Variants in SETBP1 observed in about 807,000 individuals in gnomAD.
SETBP1 encodes SET binding protein 1.
In SETBP1, 9 loss-of-function variants were observed where a neutral mutation model predicts 101.0. The ratio of observed to expected loss-of-function variants is 0.09; its 90% CI spans 0.05 to 0.16. The LOEUF is 0.16. Ranked by LOEUF, SETBP1 falls within the 10% of genes least tolerant of loss-of-function variation. SETBP1 has a pLI of 1.00. For missense variants in SETBP1, 1,858 were observed against 2,033.8 expected (o/e 0.91, Z 1.66); for synonymous variants, 818 against 788.5 (o/e 1.04, Z -0.63).
intron 3 of SETBP1, among the ~76,000 whole-genome samples, chr18:44,889,146 A>T (rs1429214501): frequency 6.6e-6 from 1 of 152,090 alleles, no homozygotes; most frequent in East Asian, 1.9e-4. Flanking sequence ...AGCATTTCAA[A>T]ACAGAGATAA....
chr18:44,685,739 G>A (rs2068827034), intron 1 of SETBP1, among the ~76,000 whole-genome samples: 1 of 152,072 alleles, frequency 6.6e-6, no homozygotes, highest in African/African-American at 2.4e-5. Flanking sequence ...CTGGTGCCTG[G>A]GATTATTGTT....
chr18:44,886,062 A>C (rs1018772012), intron 3 of SETBP1, among the ~76,000 whole-genome samples: 2 of 152,076 alleles, frequency 1.3e-5, no homozygotes, highest in African/African-American at 2.4e-5. Flanking sequence ...TGGGAAGGAC[A>C]AAAGTCTCAT....
intron 3 of SETBP1, among the ~76,000 whole-genome samples, chr18:44,906,112 G>A (rs762372507): frequency 1.3e-5 from 2 of 152,168 alleles, no homozygotes; most frequent in African/African-American, 2.4e-5. Flanking sequence ...ATAGCCAGGC[G>A]TTATGTGGAT....
At chr18:44,993,372 T>C (rs1367894848) in intron 4 of SETBP1, among the ~76,000 whole-genome samples, 2 of 152,122 alleles carry the variant, frequency 1.3e-5, no homozygotes, top group South Asian at 4.2e-4. Context: ...AAACTCTGAT[T>C]ATTTTCTTAT....
At chr18:44,695,115 G>T (rs548843965) in intron 1 of SETBP1, among the ~76,000 whole-genome samples, 45 of 152,198 alleles carry the variant, frequency 3.0e-4, no homozygotes, top group Admixed American at 1.6e-3. Flanking sequence ...AACAGATTGG[G>T]GTATGCTCTC....
intron 4 of SETBP1, among the ~76,000 whole-genome samples, chr18:45,021,963 C>T (rs972926298): frequency 6.6e-6 from 1 of 152,104 alleles, no homozygotes; most frequent in African/African-American, 2.4e-5. Context: ...GAAGGCAAGT[C>T]GGAATTATGT....
chr18:44,851,633 C>T (rs1309648951), intron 2 of SETBP1, among the ~76,000 whole-genome samples: 2 of 152,116 alleles, frequency 1.3e-5, no homozygotes, highest in Non-Finnish European at 2.9e-5. Context: ...TCTTTCCTTC[C>T]TTTTACACAC....
chr18:44,934,146 T>A (rs1295359942), intron 3 of SETBP1, among the ~76,000 whole-genome samples: 2 of 107,098 alleles, frequency 1.9e-5, no homozygotes, highest in East Asian at 5.6e-4. Context: ...TTGTTTTCCC[T>A]TTTTTTTTTT....
chr18:44,696,690 A>G lies in SETBP1; in HGVS notation c.-172-4485A>G, dbSNP rs539211757. On this transcript the variant is annotated intron_variant, in intron 1 of 5. Coordinates refer to ENST00000649279, the MANE Select transcript of SETBP1 (RefSeq NM_015559.3). The stretch of plus-strand genomic sequence containing the variant: ...GTCTATGGCTCTGCAGGGCAAAATT[A>G]CAAAGTGTTAAGTATGAAACAGACT... Among the ~76,000 whole-genome samples the G allele has an allele frequency of 3.3e-5, 5 of 152,298 alleles. No individual in the cohort carries two copies. In the South Asian group the frequency reaches 6.2e-4, roughly 19 times the overall value.
chr18:44,712,883 C>T (rs547003337), intron 2 of SETBP1, among the ~76,000 whole-genome samples: 1 of 151,398 alleles, frequency 6.6e-6, no homozygotes, highest in South Asian at 2.1e-4. Context: ...ACAACTGAGT[C>T]ACACTTCCAA....
intron 2 of SETBP1, among the ~76,000 whole-genome samples, chr18:44,750,172 A>G (rs2070349494): frequency 6.6e-6 from 1 of 152,222 alleles, no homozygotes; most frequent in South Asian, 2.1e-4. Context: ...TGCTATAACA[A>G]AATATCATAG....
chr18:44,726,536 A>G (rs1345013410), intron 2 of SETBP1, among the ~76,000 whole-genome samples: 1 of 152,176 alleles, frequency 6.6e-6, no homozygotes, highest in African/African-American at 2.4e-5. Flanking sequence ...TATATAAAAG[A>G]GGTAGTGTTT....
chr18:44,951,039 T>A lies in SETBP1; in HGVS notation c.1699T>A (p.Ser567Thr). 6.2e-7 allele frequency: 1 copy of A among 1,613,838 alleles called. No homozygotes were observed. The highest frequency in any genetic ancestry group is 8.5e-7 in the Non-Finnish European group (1 of 1,179,972). The change falls in exon 4 of 6, where the codon TCC (serine) becomes ACC (threonine). Residue 567 changes from serine to threonine, a missense_variant. Transcript: ENST00000649279. The surrounding 1 kb of genome is among the most constrained non-coding windows in gnomAD (Gnocchi z 7.8). Reference protein sequence around the residue: ...EPPSAYPITPSSPLYTNTDSL... With the variant: ...EPPSAYPITPTSPLYTNTDSL... ...CCCGTCTGCATATCCCATCACCCCATCCAGCCCTCTCTACACCAACACAGA... is the reference window on the plus strand; with the variant it reads ...CCCGTCTGCATATCCCATCACCCCAACCAGCCCTCTCTACACCAACACAGA...
At chr18:44,846,925 T>G (rs1012140422) in intron 2 of SETBP1, among the ~76,000 whole-genome samples, 1 of 152,168 alleles carries the variant, frequency 6.6e-6, no homozygotes, top group African/African-American at 2.4e-5. Context: ...CTTTTCCACA[T>G]GGGGCTGAGG....
intron 4 of SETBP1, among the ~76,000 whole-genome samples, chr18:45,024,248 G>A (rs2073123332): frequency 6.6e-6 from 1 of 152,120 alleles, no homozygotes; most frequent in Non-Finnish European, 1.5e-5. Context: ...GCTGAGAAAT[G>A]GGAGTTTCAA....
At chr18:44,890,334 AACG>A (rs2069738808) in intron 3 of SETBP1, among the ~76,000 whole-genome samples, 1 of 152,114 alleles carries the variant, frequency 6.6e-6, no homozygotes, top group Non-Finnish European at 1.5e-5. Context: ...GCAGGACAAG[AACG>A]ACATTGTGAA....
chr18:44,843,076 A>G (rs916861008), intron 2 of SETBP1, among the ~76,000 whole-genome samples: 9 of 152,238 alleles, frequency 5.9e-5, no homozygotes, highest in African/African-American at 2.2e-4. Context: ...TGCAGGCCCT[A>G]GTAAGCCAGA....
chr18:44,950,955 C>G lies in SETBP1; in HGVS notation c.1615C>G (p.Pro539Ala), dbSNP rs749134503. ...KRRWTCSKPKPSTMLREAVMA... is the reference protein window; with the variant it reads ...KRRWTCSKPKASTMLREAVMA... Reference sequence around the variant, plus strand: ...AAGGTGGACTTGCAGCAAACCAAAACCTAGCACCATGCTTCGAGAGGCAGT... The same window carrying G: ...AAGGTGGACTTGCAGCAAACCAAAAGCTAGCACCATGCTTCGAGAGGCAGT... Residue 539 changes from proline to alanine, a missense_variant, in exon 4 of 6, where the codon CCT becomes GCT. Coordinates refer to ENST00000649279, the MANE Select transcript of SETBP1 (RefSeq NM_015559.3). 6.2e-7 allele frequency: 1 copy of G among 1,614,144 alleles called. No individual in the cohort carries two copies. Among genetic ancestry groups the G allele is most frequent in the South Asian group, 1.1e-5 (1 of 91,074 alleles).
At chr18:44,914,221 C>A (rs1239830030) in intron 3 of SETBP1, among the ~76,000 whole-genome samples, 1 of 152,112 alleles carries the variant, frequency 6.6e-6, no homozygotes. Context: ...TCGTGAGTTA[C>A]CTGGGATGGG....
Sources: allele counts gnomAD v4.1 joint callset (sites outside exome capture counted in the v4.1 genomes callset), GRCh38; gene constraint gnomAD v4.1.1; non-coding constraint Gnocchi (gnomAD v3.1); transcripts MANE v1.5; gene names NCBI Gene and HGNC (gene_info 2026-07-23, HGNC 2026-07-21).